The following PRKCB variants were observed in gnomAD, a reference collection of about 807,000 sequenced individuals.
PRKCB encodes the protein protein kinase C beta, also known as protein kinase C beta type.
A neutral mutation model predicts 81.5 loss-of-function variants in PRKCB; 13 were observed. That is an observed-to-expected ratio of 0.16 (90% CI 0.10 to 0.25). The LOEUF (loss-of-function observed/expected upper bound fraction) is 0.25. Among genes scored for constraint, PRKCB ranks in the 10% least tolerant of loss-of-function variants. The probability of loss-of-function intolerance (pLI) is 1.00; values close to 1 mark genes in which losing one functional copy is unlikely to be tolerated. For synonymous variants in PRKCB, 335 were observed against 321.4 expected, an observed-to-expected ratio of 1.04 and a Z score of -0.45; for missense variants, 509 against 875.7, an observed-to-expected ratio of 0.58 and a Z score of 5.29.
chr16:24,014,850 A>G (rs1418833387), intron 3 of PRKCB, among the ~76,000 whole-genome samples: 1 of 152,050 alleles, frequency 6.6e-6, no homozygotes, highest in Non-Finnish European at 1.5e-5. Flanking sequence ...CTGGAGTGCA[A>G]TGGCATGATC....
chr16:24,045,703 G>A (rs1251042548), intron 5 of PRKCB, among the ~76,000 whole-genome samples: 2 of 152,198 alleles, frequency 1.3e-5, no homozygotes, highest in Admixed American at 6.5e-5. Context: ...CTGGGAGCTC[G>A]TTAGCAATTC....
intron 6 of PRKCB, among the ~76,000 whole-genome samples, chr16:24,093,751 A>G (rs1361914153): frequency 6.6e-6 from 1 of 152,182 alleles, no homozygotes; most frequent in East Asian, 1.9e-4. Flanking sequence ...CTCAGAACAG[A>G]CAATTTCCCC....
chr16:24,049,865 A>G (rs2141869170), intron 5 of PRKCB, among the ~76,000 whole-genome samples: 1 of 152,314 alleles, frequency 6.6e-6, no homozygotes, highest in South Asian at 2.1e-4. Context: ...TCGCTCAGGG[A>G]ATCAGAGTCA....
intron 5 of PRKCB, among the ~76,000 whole-genome samples, chr16:24,063,462 T>C (rs543912487): frequency 6.6e-6 from 1 of 152,098 alleles, no homozygotes; most frequent in Non-Finnish European, 1.5e-5. Flanking sequence ...GTCTGCCTAA[T>C]TTTTGTATTT....
intron 12 of PRKCB, among the ~76,000 whole-genome samples, chr16:24,175,608 A>C (rs1273478139): frequency 1.3e-5 from 2 of 151,746 alleles, no homozygotes; most frequent in Admixed American, 1.3e-4. Context: ...CATGATGATG[A>C]GGGCCTGGAG....
At chr16:23,865,649 A>T (rs1197404417) in intron 2 of PRKCB, among the ~76,000 whole-genome samples, 4 of 149,598 alleles carry the variant, frequency 2.7e-5, no homozygotes, top group Non-Finnish European at 5.9e-5. Context: ...GTGCAGGCTG[A>T]AATTGAGATT....
chr16:23,841,226 C>A (rs2141074177), intron 2 of PRKCB, among the ~76,000 whole-genome samples: 1 of 152,048 alleles, frequency 6.6e-6, no homozygotes, highest in Non-Finnish European at 1.5e-5. Flanking sequence ...ATTACGGGGG[C>A]CTGCCACCAC....
chr16:24,112,556 T>C (rs1030367869), intron 7 of PRKCB, among the ~76,000 whole-genome samples: 1 of 151,838 alleles, frequency 6.6e-6, no homozygotes, highest in Non-Finnish European at 1.5e-5. Flanking sequence ...ACAACAACAA[T>C]AACAACAACA....
intron 9 of PRKCB, among the ~76,000 whole-genome samples, chr16:24,124,505 C>G (rs932471637): frequency 1.3e-5 from 2 of 152,124 alleles, no homozygotes; most frequent in African/African-American, 4.8e-5. Context: ...TCGGATTTGC[C>G]TTTTGGAAAA....
Position 24,215,040 on chromosome 16 carries a change from C to A in PRKCB, c.*224C>A, listed in dbSNP as rs1596603604. On this transcript the variant is annotated 3_prime_UTR_variant, in exon 17 of 17. Coordinates refer to ENST00000643927, the MANE Select transcript of PRKCB (RefSeq NM_002738.7). ...GGAAAATGCAGCTGCATAATTAACACATTATCAAAGTCCTCTTACAATTTA... is the reference window on the plus strand; with the variant it reads ...GGAAAATGCAGCTGCATAATTAACAAATTATCAAAGTCCTCTTACAATTTA... 7.6e-7 allele frequency: 1 copy of A among 1,319,282 alleles called. No individual in the cohort carries two copies. The highest frequency in any genetic ancestry group is 9.7e-7 in the Non-Finnish European group (1 of 1,032,496). 81.7% of individuals were successfully genotyped at this position (1,319,282 alleles called of 1,614,324 possible).
chr16:23,933,927 TCATC>T (rs67310300), intron 2 of PRKCB, among the ~76,000 whole-genome samples: 132,409 of 138,238 alleles, frequency 0.96, 63,424 homozygotes, highest in East Asian at 0.99. Context: ...ATCCTTCCAT[TCATC>T]CATCCATCCA....
chr16:23,994,307 C>CTGGGG (rs1190594105), intron 3 of PRKCB, among the ~76,000 whole-genome samples: 125 of 152,276 alleles, frequency 8.2e-4, no homozygotes, highest in South Asian at 4.4e-3. Flanking sequence ...AGTGAGTCCC[C>CTGGGG]AAACACATCC....
chr16:23,914,547 C>G (rs938923058), intron 2 of PRKCB, among the ~76,000 whole-genome samples: 3 of 152,126 alleles, frequency 2.0e-5, no homozygotes, highest in Non-Finnish European at 4.4e-5. Flanking sequence ...TGGACACCAC[C>G]CCTTGGTTGG....
intron 1 of PRKCB, chr16:23,837,148 C>G (rs1962176237): frequency 1.6e-6 from 1 of 621,970 alleles, no homozygotes; most frequent in African/African-American, 1.9e-5. Flanking sequence ...ATCCCGCCAC[C>G]TGGTGGTCGC....
rs572864644 is a variant in PRKCB, at chr16:24,192,966, T to G, written c.1863+1736T>G. Among the ~76,000 whole-genome samples, 3 of 151,972 alleles carry G rather than the reference T, an allele frequency of 2.0e-5. No individual in the cohort carries two copies. In the South Asian group the frequency reaches 6.3e-4, roughly 32 times the overall value. On this transcript the variant is annotated intron_variant, in intron 16 of 16. Transcript: ENST00000643927. Reference sequence around the variant, plus strand: ...TAGCATGGAGAATCATCTCCTTTTTTTTCTTTTTTTAAAGACAGGGTCTTC... The same window carrying G: ...TAGCATGGAGAATCATCTCCTTTTTGTTCTTTTTTTAAAGACAGGGTCTTC...
At chr16:24,015,735 A>G (rs1192042012) in intron 3 of PRKCB, among the ~76,000 whole-genome samples, 2 of 152,150 alleles carry the variant, frequency 1.3e-5, no homozygotes. Flanking sequence ...CAGCTGTTGG[A>G]AGTGTACATT....
intron 10 of PRKCB, among the ~76,000 whole-genome samples, chr16:24,159,384 C>T (rs1163696976): frequency 6.6e-6 from 1 of 152,124 alleles, no homozygotes; most frequent in Admixed American, 6.6e-5. Context: ...ACCAAAATGG[C>T]CTTGACAATG....
intron 2 of PRKCB, among the ~76,000 whole-genome samples, chr16:23,912,355 A>G (rs1280103598): frequency 5.3e-5 from 8 of 151,884 alleles, no homozygotes; most frequent in Admixed American, 5.2e-4. Context: ...ATCAATGGTG[A>G]ACAGCTGCTG....
intron 10 of PRKCB, among the ~76,000 whole-genome samples, chr16:24,171,469 A>G (rs1313410357): frequency 6.6e-6 from 1 of 152,122 alleles, no homozygotes; most frequent in Non-Finnish European, 1.5e-5. Context: ...GCAGTATCCA[A>G]TGGGTTACAC....
Sources: gnomAD v4.1 joint callset for allele counts (sites outside exome capture counted in the v4.1 genomes callset) on GRCh38, gnomAD v4.1.1 for gene constraint, MANE v1.5 for transcripts, NCBI Gene and HGNC (gene_info 2026-07-23, HGNC 2026-07-21) for gene names.